Variants in PLXNA4 observed in about 807,000 individuals in gnomAD.
PLXNA4 encodes plexin A4.
In PLXNA4, 44 loss-of-function variants were observed where a neutral mutation model predicts 191.8. That is an observed-to-expected ratio of 0.23 (90% CI 0.18 to 0.29). The LOEUF is 0.29. Ranked by LOEUF, PLXNA4 falls within the 10% of genes least tolerant of loss-of-function variation. The pLI is 1.00. For synonymous variants in PLXNA4, 1,082 were observed against 1,009.5 expected (o/e 1.07, Z -1.36); for missense variants, 1,800 against 2,488.8 (o/e 0.72, Z 5.89).
At chr7:132,259,403 T>C (rs1335755939) in intron 4 of PLXNA4, among the ~76,000 whole-genome samples, 3 of 116,380 alleles carry the variant, frequency 2.6e-5, no homozygotes, top group South Asian at 2.8e-4. Context: ...GTCACTGCAC[T>C]CCAGCCTGGG....
chr7:132,370,109 G>T (rs1311912449), intron 3 of PLXNA4, among the ~76,000 whole-genome samples: 1 of 151,324 alleles, frequency 6.6e-6, no homozygotes, highest in South Asian at 2.1e-4. Flanking sequence ...GTCCCTGACA[G>T]CAGGTTTGAG....
chr7:132,556,465 T>A (rs536682871), intron 1 of PLXNA4, among the ~76,000 whole-genome samples: 1 of 152,364 alleles, frequency 6.6e-6, no homozygotes. Flanking sequence ...AACTTGCTTT[T>A]GTAGGAAGGT....
intron 3 of PLXNA4, among the ~76,000 whole-genome samples, chr7:132,441,318 G>C (rs1269457812): frequency 6.6e-6 from 1 of 152,212 alleles, no homozygotes; most frequent in African/African-American, 2.4e-5. Flanking sequence ...TGGACAAGAT[G>C]CTTCCCTTTT....
chr7:132,205,141 C>T (rs1797572712), intron 10 of PLXNA4, among the ~76,000 whole-genome samples: 1 of 152,234 alleles, frequency 6.6e-6, no homozygotes, highest in Non-Finnish European at 1.5e-5. Flanking sequence ...CTTTGATCAT[C>T]ATAGAACTCA....
intron 8 of PLXNA4, among the ~76,000 whole-genome samples, chr7:132,224,013 T>C (rs538763083): frequency 6.6e-6 from 1 of 152,260 alleles, no homozygotes; most frequent in Non-Finnish European, 1.5e-5. Context: ...TGTATGCAAA[T>C]TGACTCCGGG....
chr7:132,626,821 T>C (rs927838030), intron 2 of PLXNA4, among the ~76,000 whole-genome samples: 1 of 152,198 alleles, frequency 6.6e-6, no homozygotes, highest in African/African-American at 2.4e-5. Flanking sequence ...TGCATGCATC[T>C]CAGCCCAACC....
chr7:132,311,202 G>GTGTGTGCGC (rs1554411105), intron 3 of PLXNA4, among the ~76,000 whole-genome samples: 1 of 151,068 alleles, frequency 6.6e-6, no homozygotes, highest in Non-Finnish European at 1.5e-5. Context: ...GTGCGCGTGT[G>GTGTGTGCGC]GCCTAAAGGA....
chr7:132,451,103 C>T (rs1796104514), intron 3 of PLXNA4, among the ~76,000 whole-genome samples: 1 of 152,166 alleles, frequency 6.6e-6, no homozygotes, highest in South Asian at 2.1e-4. Flanking sequence ...GACTGCTATG[C>T]CTTATGGAAG....
At chr7:132,537,458 C>T (rs1350648444) in intron 1 of PLXNA4, among the ~76,000 whole-genome samples, 1 of 152,238 alleles carries the variant, frequency 6.6e-6, no homozygotes, top group African/African-American at 2.4e-5. Flanking sequence ...TCCTCTAAGT[C>T]CATACATTGC....
intron 2 of PLXNA4, among the ~76,000 whole-genome samples, chr7:132,500,954 C>A (rs750990600): frequency 6.6e-6 from 1 of 152,166 alleles, no homozygotes; most frequent in African/African-American, 2.4e-5. Flanking sequence ...CCGGCCAAGA[C>A]GCCACCCTGT....
intron 4 of PLXNA4, among the ~76,000 whole-genome samples, chr7:132,268,174 G>T (rs1032817518): frequency 6.6e-6 from 1 of 152,208 alleles, no homozygotes; most frequent in African/African-American, 2.4e-5. Flanking sequence ...TCCATGGTTT[G>T]CAGGGCCTTG....
Position 132,124,380 on chromosome 7 carries a change from G to C in PLXNA4, c.*6099C>G, listed in dbSNP as rs894521502. 6.6e-6 allele frequency: 1 copy of C among 152,192 alleles called. No homozygotes were observed. Among genetic ancestry groups the C allele is most frequent in the Non-Finnish European group, 1.5e-5 (1 of 68,040 alleles). 9.4% of individuals were successfully genotyped at this position (152,192 alleles called of 1,614,324 possible). A position where few individuals can be genotyped will look rare whatever the true frequency, so the allele number is the denominator to read the frequency against. Reference sequence around the variant, plus strand: ...TGGATTGCGGCTGACTTCTGTGCACGAAAGTGTTCCTTAGTCCTGTTTGGT... The same window carrying C: ...TGGATTGCGGCTGACTTCTGTGCACCAAAGTGTTCCTTAGTCCTGTTTGGT... On this transcript the variant is annotated 3_prime_UTR_variant, in exon 32 of 32. Coordinates refer to ENST00000321063, the MANE Select transcript of PLXNA4 (RefSeq NM_020911.2).
rs77879586 is a variant in PLXNA4, at chr7:132,505,065, C to T, written c.1188+2441G>A. 1.4e-4 allele frequency among the ~76,000 whole-genome samples: 21 copies of T among 152,334 alleles called. No individual in the cohort carries two copies. The East Asian group carries it at 3.7e-3, about 27-fold the overall frequency. ...GCCTTTTTCAGACTGGCTGGAGAGA[C>T]AGCCCCAGGCCTGTGCAGAGTTTCT... is the stretch of plus-strand genomic sequence containing the variant. On this transcript the variant is annotated intron_variant, in intron 2 of 31. Coordinates refer to ENST00000321063, the MANE Select transcript of PLXNA4 (RefSeq NM_020911.2).
At chr7:132,617,043 T>A (rs1389093139) in intron 2 of PLXNA4, among the ~76,000 whole-genome samples, 1 of 152,192 alleles carries the variant, frequency 6.6e-6, no homozygotes, top group Admixed American at 6.5e-5. Context: ...CATAAGATGG[T>A]CATCCAGGTT....
chr7:132,383,726 T>C (rs1385167760), intron 3 of PLXNA4: 1 of 983,914 alleles, frequency 1.0e-6, no homozygotes, highest in Non-Finnish European at 1.2e-6. Flanking sequence ...AATGTGTATC[T>C]TGGTGATTAT....
chr7:132,533,512 C>G (rs114539245), intron 1 of PLXNA4, among the ~76,000 whole-genome samples: 5,131 of 152,332 alleles, frequency 0.034, 230 homozygotes, highest in African/African-American at 0.1. Context: ...GGATTCCCAT[C>G]CACATCAGGA....
chr7:132,414,217 G>T (rs567606561), intron 3 of PLXNA4, among the ~76,000 whole-genome samples: 2 of 152,334 alleles, frequency 1.3e-5, no homozygotes, highest in African/African-American at 2.4e-5. Context: ...CCCTGTTGCT[G>T]TTGTGATTAA....
chr7:132,429,695 T>C (rs901124307), intron 3 of PLXNA4, among the ~76,000 whole-genome samples: 9 of 152,254 alleles, frequency 5.9e-5, no homozygotes, highest in African/African-American at 2.2e-4. Context: ...GTTTGCCGAC[T>C]GTTGCTCTAG....
chr7:132,382,747 T>C (rs1362500836), intron 3 of PLXNA4, among the ~76,000 whole-genome samples: 1 of 152,128 alleles, frequency 6.6e-6, no homozygotes, highest in Non-Finnish European at 1.5e-5. Flanking sequence ...GTATAACAAG[T>C]GCTTATTTTG....
Sources: gnomAD v4.1 joint callset for allele counts (sites outside exome capture counted in the v4.1 genomes callset) on GRCh38, gnomAD v4.1.1 for gene constraint, MANE v1.5 for transcripts, NCBI Gene and HGNC (gene_info 2026-07-23, HGNC 2026-07-21) for gene names.